The following RHOD variants were observed in gnomAD, a reference collection of about 807,000 sequenced individuals.
RHOD encodes rho-related GTP-binding protein RhoD.
A neutral mutation model predicts 16.7 loss-of-function variants in RHOD; 11 were observed. The observed-to-expected ratio is 0.66, with a 90% CI of 0.41 to 1.09. The LOEUF is 1.09. Ranked by LOEUF, RHOD falls within the 50% of genes least tolerant of loss-of-function variation. RHOD has a pLI of 0.00. For synonymous variants in RHOD, 124 were observed against 126.3 expected, an observed-to-expected ratio of 0.98 and a Z score of 0.12; for missense variants, 271 against 291.7, an observed-to-expected ratio of 0.93 and a Z score of 0.52.
At chr11:67,066,008 G>C in intron 2 of RHOD, 25 bp downstream of exon 2, 2 of 1,370,556 alleles carry the variant, frequency 1.5e-6, no homozygotes, top group Non-Finnish European at 2.1e-6. Context: ...GTGGGGCAGG[G>C]TGGGAGGGGC....
Position 67,065,920 on chromosome 11 carries a change from C to A in RHOD, c.157C>A (p.Arg53=). ...GAGCTACACCCCCACGGTGTTTGAG[C>A]GGTACATGGTCAACCTGCAAGTGAA... ...PESYTPTVFE[R]YMVNLQVKGK... is the part of the protein sequence containing the mutation. The change falls in exon 2 of 5, where the codon CGG becomes AGG. Residue 53 remains arginine (R), a synonymous_variant. Transcript: ENST00000308831. 4.0e-6 allele frequency: 6 copies of A among 1,504,198 alleles called. No individual in the cohort carries two copies. Among genetic ancestry groups the A allele is most frequent in the Non-Finnish European group, 4.5e-6 (5 of 1,109,716 alleles). The allele number at this position is 1,504,198 out of a possible 1,614,324, so 93.2% of individuals were successfully genotyped here.
In RHOD at chr11:67,065,905, C is replaced by G. The variant is rs1454085802; in HGVS notation, c.142C>G (p.Pro48Ala). ...ADGAFPESYT[P>A]TVFERYMVNL... ...CCCTGCTTCTCCTCAGAGCTACACCCCCACGGTGTTTGAGCGGTACATGGT... is the reference window on the plus strand; with the variant it reads ...CCCTGCTTCTCCTCAGAGCTACACCGCCACGGTGTTTGAGCGGTACATGGT... Residue 48 changes from proline to alanine, a missense_variant, in exon 2 of 5, where the codon CCC (proline) becomes GCC (alanine). Transcript: ENST00000308831. 1 of 1,613,746 alleles carries G rather than the reference C, an allele frequency of 6.2e-7. No homozygotes were observed. The highest frequency in any genetic ancestry group is 1.7e-5 in the Admixed American group (1 of 60,000).
chr11:67,066,974 G>C (rs1186204916), intron 3 of RHOD, 127 bp downstream of exon 3: 14 of 716,412 alleles, frequency 2.0e-5, no homozygotes, highest in Non-Finnish European at 3.0e-5. Context: ...AGAGCTTTTG[G>C]TGTATATATG....
chr11:67,066,627 T>C, intron 2 of RHOD, 111 bp from the exon 3 acceptor site: 1 of 772,296 alleles, frequency 1.3e-6, no homozygotes, highest in Non-Finnish European at 2.2e-6. Flanking sequence ...GGCAAAAAAC[T>C]AGGCCCTGTC....
At chr11:67,057,282 G>A (rs1234033304) in intron 1 of RHOD, among the ~76,000 whole-genome samples, 1 of 152,232 alleles carries the variant, frequency 6.6e-6, no homozygotes, top group Non-Finnish European at 1.5e-5. Flanking sequence ...GAGGCGACCT[G>A]GGTGCACACA....
intron 2 of RHOD, 29 bp downstream of exon 2, chr11:67,066,012 G>GGC: frequency 5.2e-6 from 3 of 581,430 alleles, no homozygotes; most frequent in Non-Finnish European, 1.0e-5. Flanking sequence ...GGCAGGGTGG[G>GGC]AGGGGCTTCT....
intron 1 of RHOD, among the ~76,000 whole-genome samples, chr11:67,059,679 G>A (rs2136244829): frequency 6.6e-6 from 1 of 152,296 alleles, no homozygotes; most frequent in South Asian, 2.1e-4. Flanking sequence ...TTACCTGGGG[G>A]CACATGGCCC....
chr11:67,062,997 A>G (rs909836964), intron 1 of RHOD, among the ~76,000 whole-genome samples: 1 of 152,220 alleles, frequency 6.6e-6, no homozygotes, highest in Non-Finnish European at 1.5e-5. Flanking sequence ...CCTTCATGGA[A>G]AGGCAGCAGT....
At chr11:67,069,570 G>T (rs896028031) in intron 3 of RHOD, among the ~76,000 whole-genome samples, 13 of 152,024 alleles carry the variant, frequency 8.6e-5, no homozygotes, top group African/African-American at 2.9e-4. Context: ...TGTTGGCCAG[G>T]CTGGTCTCGA....
intron 1 of RHOD, 99 bp from the exon 2 acceptor site, chr11:67,065,797 C>A: frequency 1.3e-6 from 1 of 755,416 alleles, no homozygotes; most frequent in Non-Finnish European, 2.2e-6. Context: ...CAACTACGCT[C>A]CACTGACCCC....
At chr11:67,057,069 G>C in intron 1 of RHOD, 35 bp downstream of exon 1, 1 of 1,403,976 alleles carries the variant, frequency 7.1e-7, no homozygotes, top group Non-Finnish European at 9.2e-7. Context: ...GCCCGGTTCC[G>C]CTCGCGCGCC....
In RHOD at chr11:67,056,882, C is replaced by A; in HGVS notation, c.-21C>A. 3 of 1,379,196 alleles carry A rather than the reference C, an allele frequency of 2.2e-6. No individual in the cohort carries two copies. Among genetic ancestry groups the A allele is most frequent in the Non-Finnish European group, 2.8e-6 (3 of 1,077,886 alleles). 85.4% of individuals were successfully genotyped at this position (1,379,196 alleles called of 1,614,324 possible). ...TCTGCGCCGCAGCCGCCCGCCCGCC[C>A]GCTCAGCGCCCGGCCCCGGGATGAC... is the stretch of plus-strand genomic sequence containing the variant. On this transcript the variant is annotated 5_prime_UTR_variant, in exon 1 of 5. Coordinates refer to ENST00000308831, the MANE Select transcript of RHOD (RefSeq NM_014578.4).
chr11:67,068,893 G>A (rs1854991026), intron 3 of RHOD, among the ~76,000 whole-genome samples: 1 of 152,086 alleles, frequency 6.6e-6, no homozygotes, highest in African/African-American at 2.4e-5. Context: ...GGGGTGTGGG[G>A]AATCTGCCAG....
chr11:67,057,108 C>T, intron 1 of RHOD, 74 bp downstream of exon 1: 2 of 1,330,774 alleles, frequency 1.5e-6, no homozygotes, highest in Non-Finnish European at 1.9e-6. Flanking sequence ...CCGGAGCGGC[C>T]CAGGCTGTGC....
chr11:67,068,617 G>A (rs12799739), intron 3 of RHOD, among the ~76,000 whole-genome samples: 1 of 152,176 alleles, frequency 6.6e-6, no homozygotes, highest in African/African-American at 2.4e-5. Flanking sequence ...AGACCAGCCT[G>A]ACCAACATGG....
chr11:67,057,029 C>A lies in RHOD; in HGVS notation c.127C>A (p.Pro43Thr). ...LLMVFADGAF[P>T]ESYTPTVFER... ...GATGGTCTTCGCCGATGGGGCCTTC[C>A]CCGAGGTGAGTGCCCCGCGCCTCCG... is the stretch of plus-strand genomic sequence containing the variant. The change falls in exon 1 of 5, where the codon CCC becomes ACC. Residue 43 changes from proline to threonine, a missense_variant. Pro to Thr is a conservative substitution (Grantham distance 38). Transcript: ENST00000308831. 6.7e-7 allele frequency: 1 copy of A among 1,482,158 alleles called. No homozygotes were observed. Among genetic ancestry groups the A allele is most frequent in the Non-Finnish European group, 8.9e-7 (1 of 1,127,830 alleles). The allele number at this position is 1,482,158 out of a possible 1,614,324, so 91.8% of individuals were successfully genotyped here. A position where few individuals can be genotyped will look rare whatever the true frequency, so the allele number is the denominator to read the frequency against.
intron 1 of RHOD, among the ~76,000 whole-genome samples, chr11:67,064,105 C>CAAA (rs1280364068): frequency 4.4e-5 from 2 of 45,536 alleles, no homozygotes; most frequent in African/African-American, 7.2e-5. Flanking sequence ...GACTCCGTCT[C>CAAA]AAAAAAAAAA....
intron 1 of RHOD, among the ~76,000 whole-genome samples, chr11:67,065,462 C>A (rs1463672642): frequency 6.6e-6 from 1 of 152,036 alleles, no homozygotes; most frequent in Non-Finnish European, 1.5e-5. Flanking sequence ...CTCACTGCAA[C>A]CTCAGTCCCA....
intron 1 of RHOD, among the ~76,000 whole-genome samples, chr11:67,063,370 G>A (rs1854915368): frequency 6.6e-6 from 1 of 152,078 alleles, no homozygotes; most frequent in African/African-American, 2.4e-5. Flanking sequence ...GCCCACACCT[G>A]TAATCCCAGC....
Sources: allele counts gnomAD v4.1 joint callset (sites outside exome capture counted in the v4.1 genomes callset), GRCh38; gene constraint gnomAD v4.1.1; transcripts MANE v1.5; gene names NCBI Gene and HGNC (gene_info 2026-07-23, HGNC 2026-07-21).